The following NAALADL2 variants were observed in gnomAD, a reference collection of about 807,000 sequenced individuals.
The protein encoded by NAALADL2 is N-acetylated alpha-linked acidic dipeptidase like 2.
In NAALADL2, 76 loss-of-function variants were observed where a neutral mutation model predicts 87.2. The ratio of observed to expected loss-of-function variants is 0.87; its 90% confidence interval spans 0.72 to 1.05. The LOEUF is 1.05. Among genes scored for constraint, NAALADL2 ranks in the 50% least tolerant of loss-of-function variants. The pLI, the probability that NAALADL2 is intolerant of heterozygous loss-of-function variation, is 0.00. For synonymous variants in NAALADL2, 354 were observed against 331.0 expected, an observed-to-expected ratio of 1.07 and a Z score of -0.75; for missense variants, 1,089 against 945.8, an observed-to-expected ratio of 1.15 and a Z score of -1.99.
chr3:175,316,789 G>C (rs1434088130), intron 4 of NAALADL2, among the ~76,000 whole-genome samples: 2 of 152,126 alleles, frequency 1.3e-5, no homozygotes, highest in Non-Finnish European at 2.9e-5. Flanking sequence ...TGTTCAAAAT[G>C]TAGTTAACAA....
upstream of NAALADL2, among the ~76,000 whole-genome samples, chr3:174,855,947 GATA>G (rs1560290815): frequency 2.9e-5 from 4 of 139,078 alleles, no homozygotes; most frequent in African/African-American, 1.2e-4. Flanking sequence ...TATACACATA[GATA>G]TGAATATATG....
intron 1 of NAALADL2, among the ~76,000 whole-genome samples, chr3:174,981,934 C>A (rs1745174844): frequency 6.6e-6 from 1 of 152,190 alleles, no homozygotes; most frequent in Non-Finnish European, 1.5e-5. Context: ...TCCCTGCTTC[C>A]TTTACGGACA....
intron 2 of NAALADL2, among the ~76,000 whole-genome samples, chr3:174,674,610 T>A (rs1726873373): frequency 6.6e-6 from 1 of 152,032 alleles, no homozygotes; most frequent in Non-Finnish European, 1.5e-5. Flanking sequence ...GTGGAAATAA[T>A]TCCTTTTAAA....
At chr3:174,638,152 T>C (rs1203800637) in intron 2 of NAALADL2, among the ~76,000 whole-genome samples, 1 of 152,206 alleles carries the variant, frequency 6.6e-6, no homozygotes, top group African/African-American at 2.4e-5. Context: ...TTTTTGCTTA[T>C]TAAAATGCAC....
At chr3:175,232,158 AGGG>A (rs1245299694) in intron 2 of NAALADL2, among the ~76,000 whole-genome samples, 52 of 149,656 alleles carry the variant, frequency 3.5e-4, no homozygotes, top group African/African-American at 6.4e-4. Context: ...AGGAAGAAGA[AGGG>A]GGAGGAGGAG....
intron 5 of NAALADL2, among the ~76,000 whole-genome samples, chr3:175,366,323 G>C (rs1469156930): frequency 6.6e-6 from 1 of 151,644 alleles, no homozygotes; most frequent in East Asian, 1.9e-4. Flanking sequence ...AAACATACGT[G>C]TGCATGTGTC....
At chr3:175,652,872 T>A (rs1730972561) in intron 11 of NAALADL2, among the ~76,000 whole-genome samples, 1 of 152,138 alleles carries the variant, frequency 6.6e-6, no homozygotes, top group African/African-American at 2.4e-5. Context: ...TGACTACTCA[T>A]GGGGTTGAAA....
At chr3:175,039,323 C>A (rs943594726) in intron 1 of NAALADL2, among the ~76,000 whole-genome samples, 1 of 152,090 alleles carries the variant, frequency 6.6e-6, no homozygotes, top group African/African-American at 2.4e-5. Flanking sequence ...TGTGCCACGA[C>A]GCCTGGCTAA....
chr3:175,751,970 G>A (rs1311743507), intron 12 of NAALADL2, among the ~76,000 whole-genome samples: 2 of 151,742 alleles, frequency 1.3e-5, no homozygotes, highest in Non-Finnish European at 2.9e-5. Flanking sequence ...CAACTATAAT[G>A]GATTTTTAGT....
upstream of NAALADL2, among the ~76,000 whole-genome samples, chr3:174,855,775 TACACACACACACAC>T (rs10576439): frequency 2.2e-3 from 302 of 135,644 alleles, no homozygotes; most frequent in African/African-American, 6.2e-3. Context: ...AGGAGAGAAA[TACACACACACACAC>T]ACACACACAC....
intron 9 of NAALADL2, among the ~76,000 whole-genome samples, chr3:175,574,630 A>T (rs1273472772): frequency 6.6e-6 from 1 of 152,084 alleles, no homozygotes; most frequent in East Asian, 1.9e-4. Flanking sequence ...GCTTTTTCCA[A>T]GAATGGAAAA....
intron 5 of NAALADL2, among the ~76,000 whole-genome samples, chr3:175,332,251 G>A (rs1008640818): frequency 6.6e-6 from 1 of 152,118 alleles, no homozygotes; most frequent in Non-Finnish European, 1.5e-5. Flanking sequence ...CCATAAAAGA[G>A]CCCAAACAGC....
intron 1 of NAALADL2, among the ~76,000 whole-genome samples, chr3:175,021,313 G>C (rs1457609973): frequency 1.3e-5 from 2 of 152,012 alleles, no homozygotes; most frequent in African/African-American, 4.8e-5. Flanking sequence ...TGTGTTTCTA[G>C]TACCTGTATA....
At chr3:175,381,089 A>G (rs1767731511) in intron 5 of NAALADL2, among the ~76,000 whole-genome samples, 1 of 151,984 alleles carries the variant, frequency 6.6e-6, no homozygotes, top group Admixed American at 6.6e-5. Flanking sequence ...ATTTTATTGC[A>G]TAATAGAAAT....
chr3:174,672,437 G>T (rs1280842597), intron 2 of NAALADL2, among the ~76,000 whole-genome samples: 1 of 145,492 alleles, frequency 6.9e-6, no homozygotes, highest in Non-Finnish European at 1.5e-5. Flanking sequence ...TCTATCATAT[G>T]GAAATAGAAC....
intron 11 of NAALADL2, among the ~76,000 whole-genome samples, chr3:175,730,492 T>G (rs1247679728): frequency 7.0e-6 from 1 of 142,084 alleles, no homozygotes; most frequent in Non-Finnish European, 1.5e-5. Context: ...GTACACTTTT[T>G]CCTTAACTCT....
chr3:174,997,671 CT>C (rs1747693393), intron 1 of NAALADL2, among the ~76,000 whole-genome samples: 1 of 151,974 alleles, frequency 6.6e-6, no homozygotes. Context: ...CAAAAATTAG[CT>C]GGGTGTGGTG....
intron 2 of NAALADL2, among the ~76,000 whole-genome samples, chr3:174,723,837 A>T (rs1453305792): frequency 6.7e-6 from 1 of 149,726 alleles, no homozygotes. Flanking sequence ...GATTTATGGT[A>T]AAATGAGAAG....
intron 5 of NAALADL2, among the ~76,000 whole-genome samples, chr3:175,352,548 C>A (rs1383850802): frequency 1.3e-5 from 2 of 152,072 alleles, no homozygotes; most frequent in East Asian, 3.9e-4. Flanking sequence ...TCCTTTCTGC[C>A]AATCATAGGA....
Sources: allele counts gnomAD v4.1 joint callset (sites outside exome capture counted in the v4.1 genomes callset), GRCh38; gene constraint gnomAD v4.1.1; transcripts MANE v1.5; gene names NCBI Gene and HGNC (gene_info 2026-07-23, HGNC 2026-07-21).